Variants in RANBP3 observed in about 807,000 individuals in gnomAD.
The protein encoded by RANBP3 is ran-binding protein 3.
In RANBP3, 14 loss-of-function variants were observed where a neutral mutation model predicts 77.3. The observed-to-expected ratio is 0.18, with a 90% CI of 0.12 to 0.28. The LOEUF is 0.28. Ranked by LOEUF, RANBP3 falls within the 10% of genes least tolerant of loss-of-function variation. RANBP3 has a pLI of 1.00. For missense variants in RANBP3, 586 were observed against 752.3 expected (o/e 0.78, Z 2.59); for synonymous variants, 315 against 312.4 (o/e 1.01, Z -0.09).
intron 1 of RANBP3, among the ~76,000 whole-genome samples, chr19:5,966,428 C>G (rs1341462309): frequency 6.6e-6 from 1 of 152,230 alleles, no homozygotes; most frequent in African/African-American, 2.4e-5. Context: ...GTGACACAAG[C>G]TGCTTTCTGT....
chr19:5,948,717 G>A (rs144892959), intron 3 of RANBP3, among the ~76,000 whole-genome samples: 2 of 152,298 alleles, frequency 1.3e-5, no homozygotes, highest in East Asian at 3.9e-4. Context: ...CAAATCCTGT[G>A]CAGGGGCTGG....
At chr19:5,941,157 C>CGTGT (rs919887713) in intron 5 of RANBP3, among the ~76,000 whole-genome samples, 2 of 152,154 alleles carry the variant, frequency 1.3e-5, no homozygotes, top group Admixed American at 6.5e-5. Flanking sequence ...TGCTGGTTAC[C>CGTGT]GTGTGTGTGT....
At chr19:5,919,529 G>A (rs1032281963) in intron 14 of RANBP3, among the ~76,000 whole-genome samples, 4 of 152,220 alleles carry the variant, frequency 2.6e-5, no homozygotes, top group Admixed American at 2.6e-4. Flanking sequence ...GGGATGACCT[G>A]GGGGCTCAGG....
chr19:5,941,736 A>G lies in RANBP3; in HGVS notation c.320-29T>C, dbSNP rs2058139846. ...CAGAAAATGATGAGAAGAGGAGGAG[A>G]AAAATCAGGTTGCTTCTGTCTTTAA... On this transcript the variant is annotated intron_variant, in intron 4 of 16. Coordinates refer to ENST00000340578, the MANE Select transcript of RANBP3 (RefSeq NM_007322.3). 3 of 1,612,704 alleles carry G rather than the reference A, an allele frequency of 1.9e-6. No homozygotes were observed. The East Asian group carries it at 6.7e-5, about 36-fold the overall frequency.
chr19:5,942,589 T>A (rs2058151872), intron 3 of RANBP3, among the ~76,000 whole-genome samples: 1 of 150,562 alleles, frequency 6.6e-6, no homozygotes, highest in Non-Finnish European at 1.5e-5. Flanking sequence ...GCCTGTAATC[T>A]CAGCTACAGG....
intron 7 of RANBP3, 52 bp downstream of exon 7, chr19:5,932,400 G>GAACGCTCT: frequency 1.3e-6 from 2 of 1,500,578 alleles, no homozygotes; most frequent in Non-Finnish European, 1.8e-6. Flanking sequence ...GCGACTTCGG[G>GAACGCTCT]AACGCTCTAC....
At chr19:5,971,185 T>A (rs751698042) in intron 1 of RANBP3, among the ~76,000 whole-genome samples, 1 of 152,162 alleles carries the variant, frequency 6.6e-6, no homozygotes, top group African/African-American at 2.4e-5. Flanking sequence ...TCAAAATACT[T>A]AAGATTATAA....
At chr19:5,955,157 A>G (rs1448453821) in intron 2 of RANBP3, among the ~76,000 whole-genome samples, 2 of 152,094 alleles carry the variant, frequency 1.3e-5, no homozygotes, top group Non-Finnish European at 2.9e-5. Flanking sequence ...TTTGAGATGG[A>G]GTCTCACTCT....
intron 13 of RANBP3, 40 bp downstream of exon 13, chr19:5,923,154 T>C: frequency 1.3e-6 from 2 of 1,556,466 alleles, no homozygotes; most frequent in Non-Finnish European, 1.8e-6. Flanking sequence ...CCCAGGTGCA[T>C]GGAAGACCCA....
chr19:5,936,091 C>T (rs1460081487), intron 5 of RANBP3, among the ~76,000 whole-genome samples: 1 of 152,226 alleles, frequency 6.6e-6, no homozygotes, highest in Admixed American at 6.5e-5. Flanking sequence ...CCATGCTTGC[C>T]CCCCAGGGAG....
rs1256319252 is a variant in RANBP3 at position 5,932,441 on chromosome 19, C to CTGTTTCTT, written c.565+3_565+10dup. ...CGTCTGGGCCTGGGCGCCAGGGCTG[C>CTGTTTCTT]TGTTTCTTACCAGTCTGGGACAGCG... On this transcript the variant is annotated intron_variant, in intron 7 of 16. Coordinates refer to ENST00000340578, the MANE Select transcript of RANBP3 (RefSeq NM_007322.3). The CTGTTTCTT allele has an allele frequency of 6.2e-7, 1 of 1,612,226 alleles. No homozygotes were observed. The highest frequency in any genetic ancestry group is 1.1e-5 in the South Asian group (1 of 90,990).
intron 9 of RANBP3, among the ~76,000 whole-genome samples, chr19:5,926,328 C>T (rs182758848): frequency 1.6e-4 from 24 of 152,260 alleles, no homozygotes; most frequent in Admixed American, 1.0e-3. Context: ...GGCGGGGAAT[C>T]ACTTGAGGTC....
Position 5,951,634 on chromosome 19 carries a change from A to T in RANBP3, c.79-38T>A, listed in dbSNP as rs768986788. 11 of 1,574,358 alleles carry T rather than the reference A, an allele frequency of 7.0e-6. No individual in the cohort carries two copies. The South Asian group carries it at 9.1e-5, about 13-fold the overall frequency. ...AAGACAATTTTCCTTCAATGTGAAT[A>T]AAGGCTGCATCACACAGCAGGAAGG... On this transcript the variant is annotated intron_variant, in intron 2 of 16. Transcript: ENST00000340578.
chr19:5,968,201 G>A (rs562455591), intron 1 of RANBP3, among the ~76,000 whole-genome samples: 84 of 152,230 alleles, frequency 5.5e-4, no homozygotes, highest in African/African-American at 1.4e-3. Flanking sequence ...CTCTCTACAC[G>A]GAAGCTTACA....
At chr19:5,972,128 TC>T (rs1453219110) in intron 1 of RANBP3, among the ~76,000 whole-genome samples, 1 of 152,268 alleles carries the variant, frequency 6.6e-6, no homozygotes, top group Non-Finnish European at 1.5e-5. Context: ...GTTTGCAACT[TC>T]TGCCTGTGGT....
chr19:5,933,305 G>T, intron 6 of RANBP3, 109 bp downstream of exon 6: 1 of 878,618 alleles, frequency 1.1e-6, no homozygotes, highest in Non-Finnish European at 1.7e-6. Flanking sequence ...CAAGTTACAA[G>T]TGATCTTTCT....
chr19:5,941,887 C>T (rs768547677), intron 3 of RANBP3, 52 bp from the exon 4 acceptor site: 1 of 1,606,292 alleles, frequency 6.2e-7, no homozygotes, highest in Non-Finnish European at 8.5e-7. Context: ...CTCACGGCAG[C>T]CGAGCAACTC....
Position 5,959,628 on chromosome 19 carries a change from C to T in RANBP3, c.23-1655G>A, listed in dbSNP as rs2058376042. 1.3e-5 allele frequency among the ~76,000 whole-genome samples: 2 copies of T among 152,172 alleles called. No homozygotes were observed. Among genetic ancestry groups the T allele is most frequent in the Non-Finnish European group, 2.9e-5 (2 of 68,028 alleles). Reference sequence around the variant, plus strand: ...AAGCAGACTTCTTGCCAACACAGCACACAGGTGCTGCTTGACAAACGTGAA... The same window carrying T: ...AAGCAGACTTCTTGCCAACACAGCATACAGGTGCTGCTTGACAAACGTGAA... On this transcript the variant is annotated intron_variant, in intron 1 of 16. Transcript: ENST00000340578. The surrounding 1 kb of genome is among the most constrained non-coding windows in gnomAD (Gnocchi z 5.1).
At chr19:5,923,441 C>G in intron 12 of RANBP3, 138 bp from the exon 13 acceptor site, 1 of 751,810 alleles carries the variant, frequency 1.3e-6, no homozygotes. Flanking sequence ...CCCCGGCAAC[C>G]CAAGTGGACC....
Sources: gnomAD v4.1 joint callset for allele counts (sites outside exome capture counted in the v4.1 genomes callset) on GRCh38, gnomAD v4.1.1 for gene constraint, Gnocchi (gnomAD v3.1) non-coding constraint, MANE v1.5 for transcripts, NCBI Gene and HGNC (gene_info 2026-07-23, HGNC 2026-07-21) for gene names.